The following CAPRIN2 variants were observed in gnomAD, a reference collection of about 807,000 sequenced individuals.
CAPRIN2 encodes the protein caprin family member 2.
A neutral mutation model predicts 130.4 loss-of-function variants in CAPRIN2; 66 were observed. The ratio of observed to expected loss-of-function variants is 0.51; its 90% CI spans 0.42 to 0.62. CAPRIN2 has a LOEUF of 0.62. Ranked by LOEUF, CAPRIN2 falls within the 20% of genes least tolerant of loss-of-function variation. The probability of loss-of-function intolerance (pLI) is 0.00; values close to 1 mark genes in which losing one functional copy is unlikely to be tolerated. For synonymous variants in CAPRIN2, 471 were observed against 444.1 expected (o/e 1.06, Z -0.76); for missense variants, 1,185 against 1,246.6 (o/e 0.95, Z 0.74).
Position 30,739,342 on chromosome 12 carries a change from G to A in CAPRIN2, c.570+1678C>T, listed in dbSNP as rs558175432. On this transcript the variant is annotated intron_variant, in intron 3 of 16. Transcript: ENST00000298892. ...CCACATGTTCTCACATATAAGTGGG[G>A]GCTAAACAATGAGAACACATGGACA... 2.0e-4 allele frequency among the ~76,000 whole-genome samples: 31 copies of A among 152,168 alleles called. No individual in the cohort carries two copies. The East Asian group carries it at 2.9e-3, about 14-fold the overall frequency.
intron 1 of CAPRIN2, among the ~76,000 whole-genome samples, chr12:30,752,382 T>C (rs1039256898): frequency 6.6e-6 from 1 of 152,152 alleles, no homozygotes; most frequent in African/African-American, 2.4e-5. Context: ...TACATATATG[T>C]AGTTCCTCCA....
intron 3 of CAPRIN2, among the ~76,000 whole-genome samples, chr12:30,738,036 C>T (rs916733828): frequency 2.0e-5 from 3 of 151,984 alleles, no homozygotes; most frequent in African/African-American, 7.3e-5. Context: ...AGAAAATGTT[C>T]CACAAACTGC....
Position 30,729,333 on chromosome 12 carries a change from G to A in CAPRIN2, c.1105-8C>T. 1 of 1,533,352 alleles carries A rather than the reference G, an allele frequency of 6.5e-7. No individual in the cohort carries two copies. Among genetic ancestry groups the A allele is most frequent in the Non-Finnish European group, 8.7e-7 (1 of 1,145,212 alleles). The allele number at this position is 1,533,352 out of a possible 1,614,324, so 95.0% of individuals were successfully genotyped here. On this transcript the variant is annotated splice_region_variant and splice_polypyrimidine_tract_variant and intron_variant, in intron 7 of 16. Transcript: ENST00000298892. Reference sequence around the variant, plus strand: ...ATAGCGTCTGTTAAGAAACTAGATAGAGAAACAATGCACTTAAGTCACAAA... The same window carrying A: ...ATAGCGTCTGTTAAGAAACTAGATAAAGAAACAATGCACTTAAGTCACAAA...
intron 12 of CAPRIN2, among the ~76,000 whole-genome samples, chr12:30,718,459 T>C (rs1165955379): frequency 1.3e-5 from 2 of 152,206 alleles, no homozygotes; most frequent in Non-Finnish European, 2.9e-5. Context: ...AGGGTACTTA[T>C]TGGCTCACTA....
intron 6 of CAPRIN2, among the ~76,000 whole-genome samples, chr12:30,730,845 G>A (rs949857362): frequency 1.3e-5 from 2 of 152,074 alleles, no homozygotes; most frequent in Non-Finnish European, 2.9e-5. Flanking sequence ...ATCCAACTTT[G>A]GTAAACAAAA....
intron 16 of CAPRIN2, among the ~76,000 whole-genome samples, chr12:30,711,232 G>C (rs1348712434): frequency 2.0e-5 from 3 of 152,132 alleles, no homozygotes. Context: ...ACTACAGTAA[G>C]AAGTACCCAT....
intron 2 of CAPRIN2, among the ~76,000 whole-genome samples, chr12:30,747,754 G>A (rs958623235): frequency 5.3e-5 from 8 of 152,106 alleles, no homozygotes; most frequent in South Asian, 2.1e-4. Context: ...AATAGATCCG[G>A]GCAAAGTAAA....
At chr12:30,712,429 T>C (rs1318380205) in intron 15 of CAPRIN2, among the ~76,000 whole-genome samples, 1 of 152,200 alleles carries the variant, frequency 6.6e-6, no homozygotes, top group African/African-American at 2.4e-5. Flanking sequence ...GACAGTTCTT[T>C]TACCTAAGTC....
In CAPRIN2 at chr12:30,741,183, C is replaced by T. The variant is rs1437422860; in HGVS notation, c.484-77G>A. 5 of 817,074 alleles carry T rather than the reference C, an allele frequency of 6.1e-6. No individual in the cohort carries two copies. In the Admixed American group the frequency reaches 8.1e-5, roughly 13 times the overall value. The allele number at this position is 817,074 out of a possible 1,614,324, so 50.6% of individuals were successfully genotyped here. ...ATGTGAAAATAATGTTTCTTAAATA[C>T]AGTAGAAGAGATTTAAGATCTTATG... On this transcript the variant is annotated intron_variant, in intron 2 of 16. Coordinates refer to ENST00000298892, the Ensembl canonical transcript of CAPRIN2.
At chr12:30,719,037 A>G (rs760985619) in intron 12 of CAPRIN2, 42 bp downstream of exon 14, 30 of 1,572,486 alleles carry the variant, frequency 1.9e-5, no homozygotes, top group Non-Finnish European at 2.5e-5. Context: ...GGCTTTTAAC[A>G]GGAATAATGA....
intron 2 of CAPRIN2, among the ~76,000 whole-genome samples, chr12:30,747,434 T>C (rs533281545): frequency 6.6e-6 from 1 of 152,204 alleles, no homozygotes; most frequent in South Asian, 2.1e-4. Flanking sequence ...TCCCAGCACT[T>C]TGGGAGGCCG....
At chr12:30,711,803 G>GC (rs1289574649) in intron 15 of CAPRIN2, 174 bp from the exon 18 acceptor site, 5 of 698,044 alleles carry the variant, frequency 7.2e-6, no homozygotes, top group Non-Finnish European at 1.3e-5. Context: ...CAAAGCAAGG[G>GC]CAACAGTGGC....
chr12:30,714,224 C>T (rs553762777), intron 14 of CAPRIN2, among the ~76,000 whole-genome samples: 5 of 152,330 alleles, frequency 3.3e-5, no homozygotes, highest in South Asian at 4.1e-4. Context: ...CTCTGTTACT[C>T]AGGCTGGAGC....
intron 13 of CAPRIN2, chr12:30,715,504 C>A: frequency 2.2e-6 from 1 of 455,064 alleles, no homozygotes. Context: ...TTGCCAGGGG[C>A]TGGGGGGAGA....
chr12:30,726,347 A>G (rs2060914933), intron 8 of CAPRIN2, among the ~76,000 whole-genome samples: 1 of 152,158 alleles, frequency 6.6e-6, no homozygotes, highest in African/African-American at 2.4e-5. Context: ...TTCCTTGTTA[A>G]GAGTGTTTTC....
chr12:30,743,151 TGGATCCTAC>T (rs1374279448), intron 2 of CAPRIN2, among the ~76,000 whole-genome samples: 1 of 113,436 alleles, frequency 8.8e-6, no homozygotes, highest in Non-Finnish European at 1.7e-5. Flanking sequence ...ACCTGTGCCC[TGGATCCTAC>T]GGAATTGTGC....
At chr12:30,741,846 T>C (rs532247724) in intron 2 of CAPRIN2, among the ~76,000 whole-genome samples, 1 of 152,256 alleles carries the variant, frequency 6.6e-6, no homozygotes, top group African/African-American at 2.4e-5. Context: ...TAAAGACTTG[T>C]ATATAAATGT....
At chr12:30,753,764 C>T in exon 1 of CAPRIN2, 2 of 1,600,200 alleles carry the variant, frequency 1.2e-6, no homozygotes, top group East Asian at 2.2e-5. Context: ...GTACTTCCAT[C>T]CTACTTTTAA....
chr12:30,720,594 G>A (rs2059112992), intron 12 of CAPRIN2: 1 of 372,416 alleles, frequency 2.7e-6, no homozygotes, highest in Non-Finnish European at 4.9e-6. Context: ...GACATTTATT[G>A]CACTAGATAA....
Sources: allele counts gnomAD v4.1 joint callset (sites outside exome capture counted in the v4.1 genomes callset), GRCh38; gene constraint gnomAD v4.1.1; transcripts MANE v1.5; gene names NCBI Gene and HGNC (gene_info 2026-07-23, HGNC 2026-07-21).